Variants in SLIT2 observed in about 807,000 individuals in gnomAD.
SLIT2 encodes the protein slit guidance ligand 2.
In SLIT2, 41 loss-of-function variants were observed where a neutral mutation model predicts 185.7. That is an observed-to-expected ratio of 0.22 (90% CI 0.17 to 0.29). The LOEUF (loss-of-function observed/expected upper bound fraction) is 0.29, where lower values mean the gene tolerates loss of function less well. SLIT2 is among the 10% of genes least tolerant of loss of function. The pLI is 1.00. For missense variants in SLIT2, 1,571 were observed against 1,909.0 expected (o/e 0.82, Z 3.30); for synonymous variants, 693 against 680.2 (o/e 1.02, Z -0.29).
intron 4 of SLIT2, among the ~76,000 whole-genome samples, chr4:20,376,794 G>T (rs1724057569): frequency 6.6e-6 from 1 of 152,096 alleles, no homozygotes; most frequent in Non-Finnish European, 1.5e-5. Context: ...AACACTGCAT[G>T]TTCTCACTCA....
chr4:20,279,552 A>G (rs769128008), intron 4 of SLIT2, among the ~76,000 whole-genome samples: 8 of 152,186 alleles, frequency 5.3e-5, no homozygotes, highest in Non-Finnish European at 1.0e-4. Flanking sequence ...CAGATGGTTG[A>G]TTCAGACCAC....
In SLIT2 at chr4:20,253,091, T is replaced by G. The variant is rs1262069687; in HGVS notation, c.-725T>G. 6.6e-6 allele frequency among the ~76,000 whole-genome samples: 1 copy of G among 152,016 alleles called. No individual in the cohort carries two copies. The highest frequency in any genetic ancestry group is 1.5e-5 in the Non-Finnish European group (1 of 68,000). On this transcript the variant is annotated 5_prime_UTR_variant, in exon 1 of 37. Transcript: ENST00000504154. ...ATTGCCCAGACATCCTTCAGCGAAG[T>G]GCATGTGTGTTTGTAAACCATCGTT...
chr4:20,491,949 A>C (rs748555082), intron 9 of SLIT2, 50 bp downstream of exon 9: 1 of 1,579,322 alleles, frequency 6.3e-7, no homozygotes, highest in African/African-American at 1.4e-5. Context: ...GGTGAACCAA[A>C]CTTTGATTTT....
intron 4 of SLIT2, among the ~76,000 whole-genome samples, chr4:20,392,027 G>A (rs780460180): frequency 2.6e-5 from 4 of 152,002 alleles, no homozygotes; most frequent in African/African-American, 4.8e-5. Context: ...TATGCCAGTT[G>A]TTAGCATGAG....
At chr4:20,595,056 C>T (rs6847533) in intron 30 of SLIT2, among the ~76,000 whole-genome samples, 12,052 of 152,162 alleles carry the variant, frequency 0.079, 988 homozygotes, top group African/African-American at 0.2. Flanking sequence ...CCATGGTGAA[C>T]AGGCTGAAAA....
chr4:20,475,381 C>T (rs1715985296), intron 5 of SLIT2, among the ~76,000 whole-genome samples: 1 of 149,322 alleles, frequency 6.7e-6, no homozygotes, highest in Admixed American at 6.7e-5. Flanking sequence ...TCTTTTCTGA[C>T]ATTCTATAGT....
intron 5 of SLIT2, among the ~76,000 whole-genome samples, chr4:20,472,370 C>CTA (rs1447396602): frequency 0.023 from 523 of 22,356 alleles, 34 homozygotes; most frequent in East Asian, 0.15. Flanking sequence ...ATATAGATAT[C>CTA]TATATCTATA....
At chr4:20,445,979 C>G (rs1042301160) in intron 4 of SLIT2, among the ~76,000 whole-genome samples, 1 of 152,162 alleles carries the variant, frequency 6.6e-6, no homozygotes, top group Non-Finnish European at 1.5e-5. Flanking sequence ...AGTCATCATT[C>G]CTACCAAAGC....
chr4:20,281,111 G>A (rs1560280071), intron 4 of SLIT2, among the ~76,000 whole-genome samples: 1 of 152,178 alleles, frequency 6.6e-6, no homozygotes, highest in Non-Finnish European at 1.5e-5. Flanking sequence ...GGGATTACAG[G>A]CGTGAGCCAC....
rs777647908 is a variant in SLIT2 at position 20,617,603 on chromosome 4, C to A, written c.4301C>A (p.Pro1434His). 6.2e-7 allele frequency: 1 copy of A among 1,613,020 alleles called. No homozygotes were observed. Among genetic ancestry groups the A allele is most frequent in the Non-Finnish European group, 8.5e-7 (1 of 1,179,928 alleles). Residue 1434 changes from proline (P) to histidine (H), a missense_variant, in exon 36 of 37, where the codon CCC becomes CAC. By Grantham distance (77) the Pro-to-His change is moderately conservative. Around this residue, in one of 3 missense-constraint regions of SLIT2, gnomAD observed 223 missense variants for 245.2 expected, o/e 0.91. Transcript: ENST00000504154. ...GKCRLSGLGQ[P>H]YCECSSGYTG... The stretch of plus-strand genomic sequence containing the variant: ...TGCAGGCTTTCAGGTCTGGGGCAGC[C>A]CTACTGTGAATGCAGCAGTGGATAC...
intron 4 of SLIT2, among the ~76,000 whole-genome samples, chr4:20,363,694 ATTTAAAAGC>A (rs1420645317): frequency 6.6e-6 from 1 of 152,118 alleles, no homozygotes; most frequent in Non-Finnish European, 1.5e-5. Flanking sequence ...TCCTATGCAG[ATTTAAAAGC>A]TTTGGGAATC....
chr4:20,526,868 G>A (rs1721341306), intron 15 of SLIT2, among the ~76,000 whole-genome samples: 1 of 152,030 alleles, frequency 6.6e-6, no homozygotes, highest in Non-Finnish European at 1.5e-5. Flanking sequence ...CATAAAATAA[G>A]CATTATTACT....
chr4:20,476,649 G>A (rs1202335712), intron 5 of SLIT2, among the ~76,000 whole-genome samples: 1 of 152,030 alleles, frequency 6.6e-6, no homozygotes, highest in East Asian at 1.9e-4. Flanking sequence ...TTATAACTTG[G>A]ATGCTGCAGT....
At chr4:20,439,432 C>A (rs1729582243) in intron 4 of SLIT2, among the ~76,000 whole-genome samples, 2 of 152,170 alleles carry the variant, frequency 1.3e-5, no homozygotes, top group Admixed American at 1.3e-4. Context: ...GGTTTGCCAG[C>A]AATCTGTGGT....
rs553455507 is a variant in SLIT2 at position 20,433,676 on chromosome 4, G to A, written c.396-34076G>A. ...ATTCAGGGCCATGTTCTGTTGGTGGGCAAGTTACTCCCTGAACAAAGGTGC... is the reference window on the plus strand; with the variant it reads ...ATTCAGGGCCATGTTCTGTTGGTGGACAAGTTACTCCCTGAACAAAGGTGC... On this transcript the variant is annotated intron_variant, in intron 4 of 36. Transcript: ENST00000504154. 3.6e-4 allele frequency among the ~76,000 whole-genome samples: 55 copies of A among 152,276 alleles called. 2 individuals carry two copies. Among genetic ancestry groups the A allele is most frequent in the Middle Eastern group, 6.8e-3 (2 of 294 alleles).
chr4:20,482,984 G>T (rs1272012480), intron 6 of SLIT2, among the ~76,000 whole-genome samples: 2 of 151,704 alleles, frequency 1.3e-5, no homozygotes, highest in African/African-American at 4.8e-5. Context: ...ACAAATGTTT[G>T]GTCAAGAGCT....
At chr4:20,606,447 A>G (rs1300822329) in intron 33 of SLIT2, among the ~76,000 whole-genome samples, 1 of 150,458 alleles carries the variant, frequency 6.6e-6, no homozygotes, top group Non-Finnish European at 1.5e-5. Flanking sequence ...ATGTCACCGT[A>G]CTCCAGCCTG....
chr4:20,617,734 A>C, intron 36 of SLIT2, 84 bp downstream of exon 36: 23 of 32,210 alleles, frequency 7.1e-4, no homozygotes, highest in African/African-American at 6.3e-4. Context: ...AGAAAAAGTG[A>C]AAAAAAAAAA....
chr4:20,462,892 G>A (rs748917929), intron 4 of SLIT2, among the ~76,000 whole-genome samples: 1 of 152,070 alleles, frequency 6.6e-6, no homozygotes, highest in Non-Finnish European at 1.5e-5. Context: ...AATTTAGCAG[G>A]TATACTCAGG....
Sources: allele counts gnomAD v4.1 joint callset (sites outside exome capture counted in the v4.1 genomes callset), GRCh38; gene constraint gnomAD v4.1.1; regional missense constraint gnomAD v4.1.1; transcripts MANE v1.5; gene names NCBI Gene and HGNC (gene_info 2026-07-23, HGNC 2026-07-21).